The following ACSM2B variants were observed in gnomAD, a reference collection of about 807,000 sequenced individuals.
ACSM2B encodes acyl-CoA synthetase medium chain family member 2B.
ACSM2B carries 58 observed loss-of-function variants against 78.6 expected under a neutral mutation model. The observed-to-expected ratio is 0.74, with a 90% CI of 0.60 to 0.92. The LOEUF (loss-of-function observed/expected upper bound fraction) is 0.92, where lower values mean the gene tolerates loss of function less well. ACSM2B is among the 40% of genes least tolerant of loss of function. The probability of loss-of-function intolerance (pLI) is 0.00; values close to 1 mark genes in which losing one functional copy is unlikely to be tolerated. For synonymous variants in ACSM2B, 257 were observed against 256.8 expected, an observed-to-expected ratio of 1.00 and a Z score of -0.01; for missense variants, 688 against 711.2, an observed-to-expected ratio of 0.97 and a Z score of 0.37.
intron 6 of ACSM2B, chr16:20,549,718 G>T (rs2015245232): frequency 6.8e-6 from 3 of 439,230 alleles, no homozygotes; most frequent in African/African-American, 4.1e-5. Flanking sequence ...GGTGCACTTT[G>T]GTTTTATACA....
At chr16:20,555,598 T>C (rs1180593771) in intron 3 of ACSM2B, 122 bp from the exon 4 acceptor site, 15 of 1,497,946 alleles carry the variant, frequency 1.0e-5, no homozygotes, top group Admixed American at 9.6e-5. Flanking sequence ...TAATGACCAA[T>C]GGAGAACGTC....
intron 8 of ACSM2B, 101 bp from the exon 9 acceptor site, chr16:20,546,575 C>A (rs1169381525): frequency 6.8e-7 from 1 of 1,470,440 alleles, no homozygotes. Context: ...CTGTCCTGAA[C>A]TTGGCCTGCA....
At chr16:20,542,062 T>C (rs1208343765) in intron 12 of ACSM2B, 1 of 151,982 alleles carries the variant, frequency 6.6e-6, no homozygotes, top group East Asian at 1.9e-4. Flanking sequence ...ATACTTGGGG[T>C]GTCCATCACC....
rs570495476 is a variant in ACSM2B at position 20,546,275 on chromosome 16, G to T, written c.1179+119C>A. On this transcript the variant is annotated intron_variant, in intron 9 of 13. Coordinates refer to ENST00000329697, the MANE Select transcript of ACSM2B (RefSeq NM_001105069.2). ...TAACCTCCCTCCGTCCCTTTTTTCT[G>T]ATATTATCTTAATATCAGTACTTTC... 44 of 1,425,888 alleles carry T rather than the reference G, an allele frequency of 3.1e-5. No individual in the cohort carries two copies. In the African/African-American group the frequency reaches 3.3e-4, roughly 11 times the overall value. 88.3% of individuals were successfully genotyped at this position (1,425,888 alleles called of 1,614,324 possible).
chr16:20,550,019 A>G (rs1195636180), intron 6 of ACSM2B: 1 of 276,142 alleles, frequency 3.6e-6, no homozygotes, highest in Non-Finnish European at 7.1e-6. Flanking sequence ...TCAGACTTAA[A>G]GTCTATATTG....
At position 20,536,714 on chromosome 16, in the gene ACSM2B, ACTTTT is replaced by A. The variant is rs2014853421; in HGVS notation, c.*539_*543del. 6.6e-6 allele frequency: 1 copy of A among 151,196 alleles called. No individual in the cohort carries two copies. The highest frequency in any genetic ancestry group is 2.4e-5 in the African/African-American group (1 of 41,050). The allele number at this position is 151,196 out of a possible 1,614,324, so 9.4% of individuals were successfully genotyped here. On this transcript the variant is annotated 3_prime_UTR_variant, in exon 14 of 14. Transcript: ENST00000329697. ...TCTTCCTTTCTTCCTGTCTTCCATG[ACTTTT>A]CTTTATCAGTTTCTTTTACTATTTT...
chr16:20,566,953 T>C lies in ACSM2B; in HGVS notation c.-8-2100A>G, dbSNP rs958355318. ...GTACATACCATACTATTATATATCATATATATTATATATTATATATTATAT... is the reference window on the plus strand; with the variant it reads ...GTACATACCATACTATTATATATCACATATATTATATATTATATATTATAT... On this transcript the variant is annotated intron_variant, in intron 1 of 13. Coordinates refer to ENST00000329697, the MANE Select transcript of ACSM2B (RefSeq NM_001105069.2). Among the ~76,000 whole-genome samples, 79 of 109,184 alleles carry C rather than the reference T, an allele frequency of 7.2e-4. 1 individual carries two copies. The highest frequency in any genetic ancestry group is 3.3e-3 in the African/African-American group (74 of 22,490). 71.6% of individuals were successfully genotyped at this position (109,184 alleles called of 152,430 possible).
intron 13 of ACSM2B, among the ~76,000 whole-genome samples, chr16:20,537,974 G>A (rs143585861): frequency 7.2e-5 from 11 of 152,136 alleles, no homozygotes; most frequent in African/African-American, 2.4e-4. Flanking sequence ...TTCACTATTT[G>A]CTCTTGTTAA....
At chr16:20,544,213 A>G (rs540751514) in intron 10 of ACSM2B, among the ~76,000 whole-genome samples, 40 of 152,314 alleles carry the variant, frequency 2.6e-4, no homozygotes, top group African/African-American at 8.7e-4. Flanking sequence ...TGATCGCTGA[A>G]GCTCAGTTTT....
At position 20,548,182 on chromosome 16, in the gene ACSM2B, G is replaced by A; in HGVS notation, c.978C>T (p.Tyr326=). Residue 326 remains tyrosine, a synonymous_variant, in exon 8 of 14, where the codon TAC becomes TAT. Coordinates refer to ENST00000329697, the MANE Select transcript of ACSM2B (RefSeq NM_001105069.2). Reference sequence around the variant, plus strand: ...GGCAGTTCTGTAGATGGGGGAACTTGTAACTGAAGAAGAGAAATAAATGTT... The same window carrying A: ...GGCAGTTCTGTAGATGGGGGAACTTATAACTGAAGAAGAGAAATAAATGTT... ...RMLLQQDLSS[Y]KFPHLQNCLA... 2 of 1,614,050 alleles carry A rather than the reference G, an allele frequency of 1.2e-6. No homozygotes were observed. Among genetic ancestry groups the A allele is most frequent in the Non-Finnish European group, 1.7e-6 (2 of 1,179,926 alleles).
intron 2 of ACSM2B, among the ~76,000 whole-genome samples, chr16:20,561,153 A>G (rs2015643023): frequency 6.6e-6 from 1 of 152,128 alleles, no homozygotes; most frequent in Non-Finnish European, 1.5e-5. Flanking sequence ...CCTTGAAGAC[A>G]TGCTAAGTGA....
intron 2 of ACSM2B, among the ~76,000 whole-genome samples, chr16:20,564,375 T>C (rs1036600672): frequency 1.3e-5 from 2 of 152,050 alleles, no homozygotes; most frequent in Admixed American, 1.3e-4. Flanking sequence ...AAGTCCTCAT[T>C]TCACCCTGGG....
chr16:20,568,980 T>C (rs1272421402), intron 1 of ACSM2B, among the ~76,000 whole-genome samples: 4 of 151,984 alleles, frequency 2.6e-5, no homozygotes, highest in Non-Finnish European at 5.9e-5. Flanking sequence ...GTCAGATGTA[T>C]AGATTGTGAA....
At chr16:20,545,855 G>T (rs2015124404) in intron 9 of ACSM2B, among the ~76,000 whole-genome samples, 1 of 152,090 alleles carries the variant, frequency 6.6e-6, no homozygotes, top group Admixed American at 6.6e-5. Context: ...ACAAATTCTA[G>T]TTCTCAAAAA....
At chr16:20,556,595 C>T (rs2015481607) in intron 3 of ACSM2B, among the ~76,000 whole-genome samples, 1 of 152,112 alleles carries the variant, frequency 6.6e-6, no homozygotes, top group African/African-American at 2.4e-5. Flanking sequence ...GAGGGAGACT[C>T]CATCTCAAAA....
chr16:20,556,673 T>A (rs980529570), intron 3 of ACSM2B, among the ~76,000 whole-genome samples: 3 of 152,186 alleles, frequency 2.0e-5, no homozygotes, highest in African/African-American at 4.8e-5. Flanking sequence ...TTAAACCACA[T>A]GCCCGTCCTG....
intron 5 of ACSM2B, 146 bp from the exon 6 acceptor site, chr16:20,552,443 A>G (rs2015344156): frequency 8.0e-7 from 1 of 1,242,278 alleles, no homozygotes; most frequent in Non-Finnish European, 1.1e-6. Context: ...ATGTTTAAGT[A>G]TAAGTAGGAA....
Position 20,561,968 on chromosome 16 carries a change from G to T in ACSM2B, c.178-2521C>A, listed in dbSNP as rs113538748. Among the ~76,000 whole-genome samples, 72 of 149,086 alleles carry T rather than the reference G, an allele frequency of 4.8e-4. 1 individual carries two copies. In the East Asian group the frequency reaches 5.2e-3, roughly 11 times the overall value. ...TATGAGTGAGAACATGCAGTGTTTG[G>T]TTTTTTTGTCCTTGCCATGGTTTGC... is the stretch of plus-strand genomic sequence containing the variant. On this transcript the variant is annotated intron_variant, in intron 2 of 13. Transcript: ENST00000329697.
Position 20,536,311 on chromosome 16 carries a change from C to T in ACSM2B, c.*947G>A, listed in dbSNP as rs1234063606. On this transcript the variant is annotated 3_prime_UTR_variant, in exon 14 of 14. Transcript: ENST00000329697. ...TGATTCTAGGAAGAGTAGATAACACCAAAAACATGAGGTATGGGTAGCTGA... is the reference window on the plus strand; with the variant it reads ...TGATTCTAGGAAGAGTAGATAACACTAAAAACATGAGGTATGGGTAGCTGA... 1.3e-5 allele frequency: 2 copies of T among 151,964 alleles called. No individual in the cohort carries two copies. The highest frequency in any genetic ancestry group is 4.8e-5 in the African/African-American group (2 of 41,368). The allele number at this position is 151,964 out of a possible 1,614,324, so 9.4% of individuals were successfully genotyped here.
Sources: allele counts gnomAD v4.1 joint callset (sites outside exome capture counted in the v4.1 genomes callset), GRCh38; gene constraint gnomAD v4.1.1; transcripts MANE v1.5; gene names NCBI Gene and HGNC (gene_info 2026-07-23, HGNC 2026-07-21).